Variants in TNKS observed in about 807,000 individuals in gnomAD.
TNKS encodes the protein tankyrase.
A neutral mutation model predicts 135.8 loss-of-function variants in TNKS; 72 were observed. The ratio of observed to expected loss-of-function variants is 0.53; its 90% CI spans 0.44 to 0.64. The LOEUF is 0.64. TNKS is among the 30% of genes least tolerant of loss of function. The pLI, the probability that TNKS is intolerant of heterozygous loss-of-function variation, is 0.00. For missense variants in TNKS, 1,769 were observed against 1,674.0 expected (o/e 1.06, Z -0.99); for synonymous variants, 849 against 649.3 (o/e 1.31, Z -4.68).
At chr8:9,558,015 G>A (rs1797153866) in intron 1 of TNKS, 1 of 152,160 alleles carries the variant, frequency 6.6e-6, no homozygotes, top group Non-Finnish European at 1.5e-5. Context: ...TTTGGGAGAA[G>A]TAGTAATGCG....
At chr8:9,598,706 TGTG>T (rs1798886575) in intron 2 of TNKS, among the ~76,000 whole-genome samples, 1 of 81,724 alleles carries the variant, frequency 1.2e-5, no homozygotes, top group African/African-American at 7.5e-5. Flanking sequence ...GTCTAAAATA[TGTG>T]TGTGTGTGTG....
At chr8:9,690,566 C>T (rs1803218009) in intron 5 of TNKS, among the ~76,000 whole-genome samples, 1 of 152,118 alleles carries the variant, frequency 6.6e-6, no homozygotes, top group African/African-American at 2.4e-5. Flanking sequence ...TTGAGACCAG[C>T]CTGGCCAACA....
chr8:9,708,128 T>A (rs1804137969), intron 8 of TNKS, among the ~76,000 whole-genome samples: 1 of 152,178 alleles, frequency 6.6e-6, no homozygotes, highest in Admixed American at 6.5e-5. Flanking sequence ...CTGCAATAAG[T>A]ATCTTTATAG....
intron 11 of TNKS, 91 bp from the exon 12 acceptor site, chr8:9,720,283 G>A: frequency 1.1e-6 from 1 of 872,578 alleles, no homozygotes; most frequent in Non-Finnish European, 1.6e-6. Context: ...TTTGAAAGTT[G>A]ATTTTTTTTT....
chr8:9,700,108 T>C (rs1803724820), intron 5 of TNKS, among the ~76,000 whole-genome samples: 1 of 152,138 alleles, frequency 6.6e-6, no homozygotes, highest in African/African-American at 2.4e-5. Flanking sequence ...TAGAGTGGTT[T>C]AGACCAGCAT....
chr8:9,665,575 A>G (rs1423667754), intron 3 of TNKS, among the ~76,000 whole-genome samples: 1 of 152,200 alleles, frequency 6.6e-6, no homozygotes, highest in South Asian at 2.1e-4. Flanking sequence ...ACAAGATTCC[A>G]TAAAAGGGAT....
chr8:9,760,211 G>C (rs111776415), intron 20 of TNKS, among the ~76,000 whole-genome samples: 1 of 152,184 alleles, frequency 6.6e-6, no homozygotes, highest in Admixed American at 6.5e-5. Flanking sequence ...GTGTATTTCA[G>C]AACTGGGGTT....
rs563375934 is a variant in TNKS at position 9,646,822 on chromosome 8, T to C, written c.994+31145T>C. 1.9e-4 allele frequency among the ~76,000 whole-genome samples: 29 copies of C among 152,308 alleles called. No individual in the cohort carries two copies. In the South Asian group the frequency reaches 5.8e-3, roughly 30 times the overall value. ...TCTTTCCCCGTTAGTCCTAATTTTA[T>C]CCTTTGGGGTCCTATGAGTAAACCT... On this transcript the variant is annotated intron_variant, in intron 3 of 26. Coordinates refer to ENST00000310430, the MANE Select transcript of TNKS (RefSeq NM_003747.3).
chr8:9,781,573 T>C lies in TNKS; in HGVS notation c.*4837T>C, dbSNP rs1025337763. The C allele has an allele frequency of 1.3e-5, 2 of 152,504 alleles. No individual in the cohort carries two copies. The highest frequency in any genetic ancestry group is 4.8e-5 in the African/African-American group (2 of 41,474). The allele number at this position is 152,504 out of a possible 1,614,324, so 9.4% of individuals were successfully genotyped here. On this transcript the variant is annotated 3_prime_UTR_variant, in exon 27 of 27. Transcript: ENST00000310430. ...AAACTCTTCATGTGCATATAACACCTGCTTCTGCTCCCATTGTTTCAAGCT... is the reference window on the plus strand; with the variant it reads ...AAACTCTTCATGTGCATATAACACCCGCTTCTGCTCCCATTGTTTCAAGCT...
chr8:9,735,311 TA>T lies in TNKS; in HGVS notation c.2534-65del, dbSNP rs977018148. 2.8e-5 allele frequency: 40 copies of T among 1,426,304 alleles called. No homozygotes were observed. The Admixed American group carries it at 5.3e-4, about 19-fold the overall frequency. The allele number at this position is 1,426,304 out of a possible 1,614,324, so 88.4% of individuals were successfully genotyped here. ...AACCTTAACATTTTCTGGTCCTTATTACATATGTATGTATTTTTTTTCCTTT... is the reference window on the plus strand; with the variant it reads ...AACCTTAACATTTTCTGGTCCTTATTCATATGTATGTATTTTTTTTCCTTT... On this transcript the variant is annotated intron_variant, in intron 16 of 26. Coordinates refer to ENST00000310430, the MANE Select transcript of TNKS (RefSeq NM_003747.3).
chr8:9,755,485 G>T (rs1482259054), intron 20 of TNKS, among the ~76,000 whole-genome samples: 1 of 152,092 alleles, frequency 6.6e-6, no homozygotes, highest in Non-Finnish European at 1.5e-5. Flanking sequence ...ACTGTGTCTG[G>T]CCCAATCATC....
At chr8:9,647,045 C>T (rs771778515) in intron 3 of TNKS, among the ~76,000 whole-genome samples, 2 of 152,054 alleles carry the variant, frequency 1.3e-5, no homozygotes, top group Non-Finnish European at 2.9e-5. Context: ...CATTTTCTAG[C>T]CAATATCATA....
intron 2 of TNKS, among the ~76,000 whole-genome samples, chr8:9,610,199 T>G (rs963224327): frequency 6.6e-6 from 1 of 152,066 alleles, no homozygotes; most frequent in African/African-American, 2.4e-5. Context: ...CAACTTCAGA[T>G]AATTTGAAAA....
intron 3 of TNKS, among the ~76,000 whole-genome samples, chr8:9,661,146 TGGCCATACTGC>T (rs1411100432): frequency 2.0e-5 from 3 of 151,888 alleles, no homozygotes; most frequent in Non-Finnish European, 2.9e-5. Flanking sequence ...ATCGTGAAAA[TGGCCATACTGC>T]CCAAGGTAAT....
At chr8:9,696,811 C>A (rs952009729) in intron 5 of TNKS, among the ~76,000 whole-genome samples, 8 of 152,086 alleles carry the variant, frequency 5.3e-5, no homozygotes, top group African/African-American at 1.9e-4. Flanking sequence ...ATGATACAAA[C>A]AAATGGAATA....
chr8:9,720,745 G>A (rs6994574), intron 12 of TNKS, among the ~76,000 whole-genome samples, 200 bp downstream of exon 12: 90,340 of 151,902 alleles, frequency 0.59, 27,131 homozygotes, highest in Middle Eastern at 0.71. Flanking sequence ...ACAGCTTTTA[G>A]TTTTTTTAGG....
chr8:9,764,586 T>C, intron 22 of TNKS, 130 bp from the exon 23 acceptor site: 1 of 519,474 alleles, frequency 1.9e-6, no homozygotes. Flanking sequence ...CCAAAAATAC[T>C]TATCCACTAA....
chr8:9,758,675 C>T (rs544135639), intron 20 of TNKS, among the ~76,000 whole-genome samples: 280 of 152,308 alleles, frequency 1.8e-3, no homozygotes, highest in African/African-American at 6.5e-3. Flanking sequence ...TGGGGACTCA[C>T]CTGGCAAGGG....
chr8:9,720,640 G>C, intron 12 of TNKS, 95 bp downstream of exon 12: 1 of 1,344,944 alleles, frequency 7.4e-7, no homozygotes, highest in Non-Finnish European at 9.8e-7. Context: ...TTTGCCTGAA[G>C]TTTTTCTCAT....
Sources: gnomAD v4.1 joint callset for allele counts (sites outside exome capture counted in the v4.1 genomes callset) on GRCh38, gnomAD v4.1.1 for gene constraint, MANE v1.5 for transcripts, NCBI Gene and HGNC (gene_info 2026-07-23, HGNC 2026-07-21) for gene names.